The following NLRP5 variants were observed in gnomAD, a reference collection of about 807,000 sequenced individuals.
NLRP5 encodes NACHT, LRR and PYD domains-containing protein 5.
NLRP5 carries 93 observed loss-of-function variants against 113.1 expected under a neutral mutation model. The observed-to-expected ratio is 0.82, with a 90% CI of 0.70 to 0.98. The LOEUF (loss-of-function observed/expected upper bound fraction) is 0.98. NLRP5 is among the 50% of genes least tolerant of loss of function. The probability of loss-of-function intolerance (pLI) is 0.00; values close to 1 mark genes in which losing one functional copy is unlikely to be tolerated. For missense variants in NLRP5, 1,808 were observed against 1,514.3 expected, an observed-to-expected ratio of 1.19 and a Z score of -3.22; for synonymous variants, 751 against 600.7, an observed-to-expected ratio of 1.25 and a Z score of -3.66.
chr19:56,024,537 ATATG>A (rs1159514867), intron 6 of NLRP5, among the ~76,000 whole-genome samples: 8 of 126,892 alleles, frequency 6.3e-5, no homozygotes, highest in South Asian at 2.9e-4. Flanking sequence ...ATACATATGT[ATATG>A]TATGTATATG....
chr19:56,029,362 G>T (rs1246032271), intron 7 of NLRP5, among the ~76,000 whole-genome samples: 1 of 152,084 alleles, frequency 6.6e-6, no homozygotes, highest in Non-Finnish European at 1.5e-5. Context: ...TGCCTCCCGG[G>T]TTCAAGCGAT....
intron 14 of NLRP5, among the ~76,000 whole-genome samples, chr19:56,060,691 G>T (rs899203420): frequency 1.3e-5 from 2 of 151,952 alleles, no homozygotes; most frequent in African/African-American, 4.8e-5. Context: ...GCCTTTAAAA[G>T]CTCAGCATAG....
In NLRP5 at chr19:56,047,156, A is replaced by G. The variant is rs139611777; in HGVS notation, c.2958-3262A>G. Among the ~76,000 whole-genome samples, 764 of 152,228 alleles carry G rather than the reference A, an allele frequency of 5.0e-3. 8 individuals are homozygous for G. The highest frequency in any genetic ancestry group is 0.017 in the African/African-American group (708 of 41,528). On this transcript the variant is annotated intron_variant, in intron 11 of 14. Coordinates refer to ENST00000390649, the MANE Select transcript of NLRP5 (RefSeq NM_153447.4). ...TCTTCTCTTCTTGGTTAATCTTGCC[A>G]ATAGTCTATCAATTTTATATTTTCA...
intron 11 of NLRP5, among the ~76,000 whole-genome samples, chr19:56,047,723 T>C (rs1983780052): frequency 6.6e-6 from 1 of 152,226 alleles, no homozygotes; most frequent in South Asian, 2.1e-4. Context: ...AAATGTTCTG[T>C]ATAGATCTGC....
intron 6 of NLRP5, among the ~76,000 whole-genome samples, chr19:56,026,255 G>A (rs533261632): frequency 5.9e-5 from 9 of 152,082 alleles, no homozygotes; most frequent in East Asian, 3.9e-4. Context: ...TCAGCTGGGC[G>A]CAGTGGTTCA....
intron 1 of NLRP5, among the ~76,000 whole-genome samples, chr19:56,000,375 G>GT (rs1158360611): frequency 6.6e-6 from 1 of 151,400 alleles, no homozygotes; most frequent in Non-Finnish European, 1.5e-5. Context: ...TTTTTTGTTT[G>GT]TTTTTTTAAG....
chr19:56,059,939 G>A (rs1414450675), intron 14 of NLRP5, among the ~76,000 whole-genome samples: 1 of 152,198 alleles, frequency 6.6e-6, no homozygotes, highest in African/African-American at 2.4e-5. Context: ...TGGCACATGG[G>A]TATAACCAGG....
the NLRP5 span, chr19:55,988,444 G>GTGTATATATATATATATATA: frequency 9.4e-6 from 1 of 106,488 alleles, no homozygotes; most frequent in Non-Finnish European, 1.8e-5. Context: ...ATGTGTGTGT[G>GTGTATATATATATATATATA]TATATATATA....
At chr19:56,051,372 T>C (rs976801612) in intron 12 of NLRP5, among the ~76,000 whole-genome samples, 3 of 152,148 alleles carry the variant, frequency 2.0e-5, no homozygotes, top group Non-Finnish European at 4.4e-5. Flanking sequence ...TTTGTACTTT[T>C]AGTAGAGACG....
Position 56,027,797 on chromosome 19 carries a change from C to G in NLRP5, c.1564C>G (p.Leu522Val), listed in dbSNP as rs775856963. The change falls in exon 7 of 15, where the codon CTG (leucine) becomes GTG (valine). Residue 522 changes from leucine to valine, a missense_variant. Leu to Val is a conservative substitution (Grantham distance 32). Transcript: ENST00000390649. ...AGGCGTGGTCCGGCGCTGTCTCAAT[C>G]TGGAGGAAAGAGTTGTCCTGAAGCG... The G allele has an allele frequency of 1.9e-6, 3 of 1,613,888 alleles. No homozygotes were observed. Among genetic ancestry groups the G allele is most frequent in the African/African-American group, 1.3e-5 (1 of 74,938 alleles).
In NLRP5 at chr19:56,040,833, A is replaced by G. The variant is rs964424767; in HGVS notation, c.2787-89A>G. The G allele has an allele frequency of 5.4e-6, 6 of 1,114,426 alleles. No homozygotes were observed. The African/African-American group carries it at 6.2e-5, about 12-fold the overall frequency. The allele number at this position is 1,114,426 out of a possible 1,614,324, so 69.0% of individuals were successfully genotyped here. ...CAAGGACATGCCAACTATGGGGGTGATACGTCTTTCCCCTCCTTGTAAAGG... is the reference window on the plus strand; with the variant it reads ...CAAGGACATGCCAACTATGGGGGTGGTACGTCTTTCCCCTCCTTGTAAAGG... On this transcript the variant is annotated intron_variant, in intron 10 of 14. Transcript: ENST00000390649.
At chr19:56,037,477 A>C (rs1983360236) in intron 9 of NLRP5, among the ~76,000 whole-genome samples, 1 of 151,962 alleles carries the variant, frequency 6.6e-6, no homozygotes, top group Non-Finnish European at 1.5e-5. Context: ...GGTGGAGCAC[A>C]AGGTCAGGAG....
upstream of NLRP5, among the ~76,000 whole-genome samples, chr19:55,995,957 A>G (rs1358425795): frequency 4.6e-5 from 7 of 152,176 alleles, no homozygotes; most frequent in East Asian, 3.8e-4. Flanking sequence ...CTTGCATCAT[A>G]CTGAAAAATT....
chr19:56,018,140 T>C (rs1168141186), intron 4 of NLRP5, among the ~76,000 whole-genome samples: 2 of 152,194 alleles, frequency 1.3e-5, no homozygotes, highest in African/African-American at 4.8e-5. Context: ...ATACAATCAA[T>C]TTTTCATACA....
upstream of NLRP5, among the ~76,000 whole-genome samples, chr19:55,995,297 A>C (rs1164156443): frequency 5.9e-5 from 9 of 152,204 alleles, no homozygotes; most frequent in Non-Finnish European, 1.3e-4. Flanking sequence ...AACATGGCAC[A>C]TGTATACCTG....
At chr19:56,005,465 A>G (rs1348544753) in intron 2 of NLRP5, among the ~76,000 whole-genome samples, 1 of 146,572 alleles carries the variant, frequency 6.8e-6, no homozygotes, top group Non-Finnish European at 1.5e-5. Context: ...ATATACACAC[A>G]CACATATTTA....
rs1599879996 is a variant in NLRP5, at chr19:56,008,660, A to G, written c.443-128A>G. 9 of 785,206 alleles carry G rather than the reference A, an allele frequency of 1.1e-5. No homozygotes were observed. In the East Asian group the frequency reaches 2.4e-4, roughly 21 times the overall value. The allele number at this position is 785,206 out of a possible 1,614,324, so 48.6% of individuals were successfully genotyped here. ...TGTCTCCGTTATAGGCCAATCATGGAATAAACTGAGATCCTGAGGTTTGTC... is the reference window on the plus strand; with the variant it reads ...TGTCTCCGTTATAGGCCAATCATGGGATAAACTGAGATCCTGAGGTTTGTC... On this transcript the variant is annotated intron_variant, in intron 2 of 14. Coordinates refer to ENST00000390649, the MANE Select transcript of NLRP5 (RefSeq NM_153447.4).
intron 6 of NLRP5, among the ~76,000 whole-genome samples, chr19:56,022,425 C>T (rs369103840): frequency 6.6e-5 from 10 of 152,024 alleles, no homozygotes; most frequent in Non-Finnish European, 1.3e-4. Flanking sequence ...CAGGGGGTCT[C>T]GCTATGTTGC....
At chr19:56,042,925 A>C (rs952535655) in intron 11 of NLRP5, among the ~76,000 whole-genome samples, 1 of 151,388 alleles carries the variant, frequency 6.6e-6, no homozygotes, top group Non-Finnish European at 1.5e-5. Flanking sequence ...AAATGCTGTT[A>C]ATTCATTCCT....
Sources: allele counts gnomAD v4.1 joint callset (sites outside exome capture counted in the v4.1 genomes callset), GRCh38; gene constraint gnomAD v4.1.1; transcripts MANE v1.5; gene names NCBI Gene and HGNC (gene_info 2026-07-23, HGNC 2026-07-21).